Variants in ZEB2 observed in about 807,000 individuals in gnomAD.
ZEB2 encodes zinc finger E-box binding homeobox 2.
A neutral mutation model predicts 99.9 loss-of-function variants in ZEB2; 6 were observed. The observed-to-expected ratio is 0.06, with a 90% CI of 0.03 to 0.12. ZEB2 has a LOEUF of 0.12. Among genes scored for constraint, ZEB2 ranks in the 10% least tolerant of loss-of-function variants. The pLI is 1.00. For missense variants in ZEB2, 969 were observed against 1,502.8 expected, an observed-to-expected ratio of 0.64 and a Z score of 5.87; for synonymous variants, 517 against 542.5, an observed-to-expected ratio of 0.95 and a Z score of 0.65.
At chr2:144,415,975 C>A (rs1703534715) in intron 4 of ZEB2, among the ~76,000 whole-genome samples, 1 of 152,226 alleles carries the variant, frequency 6.6e-6, no homozygotes, top group African/African-American at 2.4e-5. Flanking sequence ...GAAACTTCAT[C>A]ACTTAATAGA....
At chr2:144,420,395 C>CATTATTTATTTAATTACCTCAGTA (rs529681706) in intron 4 of ZEB2, among the ~76,000 whole-genome samples, 1 of 152,054 alleles carries the variant, frequency 6.6e-6, no homozygotes, top group Non-Finnish European at 1.5e-5. Context: ...CAACTGGCTT[C>CATTATTTATTTAATTACCTCAGTA]ATTATTTATT....
At chr2:144,473,315 A>G (rs1270178107) in intron 2 of ZEB2, among the ~76,000 whole-genome samples, 1 of 152,184 alleles carries the variant, frequency 6.6e-6, no homozygotes, top group Non-Finnish European at 1.5e-5. Context: ...GAAAATGAGT[A>G]GTTTTATGTC....
chr2:144,395,279 G>A (rs893878881), intron 9 of ZEB2, among the ~76,000 whole-genome samples: 12 of 152,054 alleles, frequency 7.9e-5, no homozygotes, highest in South Asian at 2.1e-4. Flanking sequence ...GATTACAGGC[G>A]TGAGCTGCTG....
intron 2 of ZEB2, chr2:144,512,918 G>A: frequency 7.8e-7 from 1 of 1,287,278 alleles, no homozygotes; most frequent in South Asian, 1.2e-5. Flanking sequence ...TGCTTTGAAA[G>A]TCAGCAAAAC....
chr2:144,422,832 C>T (rs1012581245), intron 4 of ZEB2, among the ~76,000 whole-genome samples: 6 of 152,028 alleles, frequency 3.9e-5, no homozygotes, highest in Admixed American at 6.6e-5. Flanking sequence ...AACAAAACAA[C>T]AAAAAACTAA....
chr2:144,501,858 A>G (rs1704874430), intron 2 of ZEB2, among the ~76,000 whole-genome samples: 1 of 152,210 alleles, frequency 6.6e-6, no homozygotes, highest in Non-Finnish European at 1.5e-5. Flanking sequence ...AAACTAAGAG[A>G]ACAGGCCACA....
intron 2 of ZEB2, among the ~76,000 whole-genome samples, chr2:144,439,133 GAA>G (rs1174940162): frequency 1.5e-3 from 123 of 79,680 alleles, no homozygotes; most frequent in East Asian, 8.8e-3. Flanking sequence ...CTGGGAGGAA[GAA>G]AAAAAAAAAA....
At chr2:144,411,820 A>G (rs1205439150) in intron 4 of ZEB2, among the ~76,000 whole-genome samples, 1 of 152,208 alleles carries the variant, frequency 6.6e-6, no homozygotes, top group Non-Finnish European at 1.5e-5. Flanking sequence ...AAGGAATGGG[A>G]ATCTGTAGTA....
chr2:144,429,402 T>C, intron 3 of ZEB2: 1 of 296,168 alleles, frequency 3.4e-6, no homozygotes, highest in East Asian at 8.8e-5. Context: ...TTTATATACA[T>C]ATATATGTTG....
intron 2 of ZEB2, chr2:144,516,216 T>G (rs867962767): frequency 9.6e-6 from 1 of 103,856 alleles, no homozygotes; most frequent in Admixed American, 1.1e-4. Context: ...CTCCGTCAGC[T>G]CCCCCACCCC....
intron 2 of ZEB2, among the ~76,000 whole-genome samples, chr2:144,486,940 T>C (rs1704605271): frequency 6.6e-6 from 1 of 152,092 alleles, no homozygotes; most frequent in Non-Finnish European, 1.5e-5. Context: ...ATTATTTTAT[T>C]TTGCAGGTGT....
At chr2:144,495,537 T>G (rs1397530590) in intron 2 of ZEB2, 1 of 152,216 alleles carries the variant, frequency 6.6e-6, no homozygotes, top group African/African-American at 2.4e-5. Context: ...CAGTACAAAA[T>G]GCAGAAAGAA....
chr2:144,455,924 T>TA (rs1334855529), intron 2 of ZEB2, among the ~76,000 whole-genome samples: 3 of 152,142 alleles, frequency 2.0e-5, no homozygotes, highest in African/African-American at 7.2e-5. Context: ...TAGAATCACA[T>TA]AATCTTAAAA....
intron 2 of ZEB2, among the ~76,000 whole-genome samples, chr2:144,508,564 A>C (rs1704983545): frequency 6.6e-6 from 1 of 152,054 alleles, no homozygotes; most frequent in Admixed American, 6.6e-5. Flanking sequence ...AACACCTGTA[A>C]AGTTATTCTT....
Position 144,424,873 on chromosome 2 carries a change from G to A in ZEB2, c.332-6C>T, listed in dbSNP as rs730881186. On this transcript the variant is annotated splice_polypyrimidine_tract_variant and splice_region_variant and intron_variant, in intron 3 of 9. Transcript: ENST00000627532. Reference sequence around the variant, plus strand: ...ATAGTCTTCCTTCATTTCTTCTGTGGGGGAAAATTATCTTTAGCATTTGAG... The same window carrying A: ...ATAGTCTTCCTTCATTTCTTCTGTGAGGGAAAATTATCTTTAGCATTTGAG... 6.6e-5 allele frequency: 106 copies of A among 1,613,682 alleles called. No individual in the cohort carries two copies. The highest frequency in any genetic ancestry group is 8.8e-5 in the Non-Finnish European group (104 of 1,179,818).
At chr2:144,488,663 G>A (rs918488977) in intron 2 of ZEB2, among the ~76,000 whole-genome samples, 5 of 70,614 alleles carry the variant, frequency 7.1e-5, no homozygotes, top group Non-Finnish European at 1.4e-4. Flanking sequence ...ATAATTGCTC[G>A]TGTGTGAGTG....
Position 144,399,037 on chromosome 2 carries a change from G to A in ZEB2, c.2150C>T (p.Pro717Leu). Residue 717 changes from proline to leucine, a missense_variant, in exon 8 of 10, where the codon CCC becomes CTC. Pro to Leu is a moderately conservative substitution (Grantham distance 98). Transcript: ENST00000627532. The surrounding 1 kb of genome is among the most constrained non-coding windows in gnomAD (Gnocchi z 5.6). ...GTCTTTTGTGGGAGGGTTACTGTTG[G>A]GAGCTAACGGCTTGGAGCTTCTTTC... ...SLERSSKPLA[P>L]NSNPPTKDSL... The A allele has an allele frequency of 6.2e-7, 1 of 1,614,112 alleles. No homozygotes were observed. Among genetic ancestry groups the A allele is most frequent in the Non-Finnish European group, 8.5e-7 (1 of 1,179,982 alleles).
intron 2 of ZEB2, among the ~76,000 whole-genome samples, chr2:144,494,109 G>GCCACT (rs1704725095): frequency 8.2e-6 from 1 of 121,566 alleles, no homozygotes; most frequent in Non-Finnish European, 1.6e-5. Context: ...CCGAGATCGC[G>GCCACT]CCACTCCACT....
Position 144,387,047 on chromosome 2 carries a change from A to ATATATATATATATACATGTG in ZEB2, c.*2403_*2404insCACATGTATATATATATATA, listed in dbSNP as rs1428185403. On this transcript the variant is annotated 3_prime_UTR_variant, in exon 10 of 10. Transcript: ENST00000627532. Reference sequence around the variant, plus strand: ...CCTTTCTGTGTATGTGTGTGTGTGTATATATATATATATATACACACACAC... The same window carrying ATATATATATATATACATGTG: ...CCTTTCTGTGTATGTGTGTGTGTGTATATATATATATATACATGTGTATATATATATATATACACACACAC... 232 of 134,456 alleles carry ATATATATATATATACATGTG rather than the reference A, an allele frequency of 1.7e-3. No individual in the cohort carries two copies. The highest frequency in any genetic ancestry group is 7.3e-3 in the African/African-American group (227 of 31,156). 8.3% of individuals were successfully genotyped at this position (134,456 alleles called of 1,614,324 possible).
Sources: gnomAD v4.1 joint callset for allele counts (sites outside exome capture counted in the v4.1 genomes callset) on GRCh38, gnomAD v4.1.1 for gene constraint, Gnocchi (gnomAD v3.1) non-coding constraint, MANE v1.5 for transcripts, NCBI Gene and HGNC (gene_info 2026-07-23, HGNC 2026-07-21) for gene names.